SLC22A25: variants seen among roughly 807,000 people sequenced by gnomAD.
SLC22A25 encodes MGI:2442751, MGI:2385316, MGI:3042283, MGI:3645714, MGI:3605624, MGI:2442750.
In SLC22A25, 44 loss-of-function variants were observed where a neutral mutation model predicts 45.9. The ratio of observed to expected loss-of-function variants is 0.96; its 90% confidence interval spans 0.75 to 1.23. The LOEUF is 1.23. Ranked by LOEUF, SLC22A25 falls within the 50% of genes most tolerant of loss-of-function variation. The pLI, the probability that SLC22A25 is intolerant of heterozygous loss-of-function variation, is 0.00. For missense variants in SLC22A25, 800 were observed against 666.4 expected (o/e 1.20, Z -2.21); for synonymous variants, 283 against 238.6 (o/e 1.19, Z -1.72).
intron 7 of SLC22A25, among the ~76,000 whole-genome samples, chr11:63,216,597 A>G (rs772948557): frequency 5.9e-5 from 9 of 152,318 alleles, no homozygotes; most frequent in Non-Finnish European, 1.0e-4. Context: ...GCTGAAGGCC[A>G]TTATACTTAG....
chr11:63,177,856 ATATATATAATATATATAATG>A (rs1377406469), intron 9 of SLC22A25, among the ~76,000 whole-genome samples: 1 of 2,508 alleles, frequency 4.0e-4, no homozygotes, highest in African/African-American at 9.8e-4. Flanking sequence ...TATATAATGT[ATATATATAATATATATAATG>A]TATATATATA....
chr11:63,163,747 A>G lies in SLC22A25; in HGVS notation c.*77T>C. On this transcript the variant is annotated 3_prime_UTR_variant, in exon 12 of 12. Transcript: ENST00000306494. ...TACACCAAAGGCAAAGGCACTGACT[A>G]CATGGGAATAGCCCAGATCTAAGCC... is the stretch of plus-strand genomic sequence containing the variant. 2 of 1,527,840 alleles carry G rather than the reference A, an allele frequency of 1.3e-6. No individual in the cohort carries two copies. The highest frequency in any genetic ancestry group is 1.8e-6 in the Non-Finnish European group (2 of 1,140,122). 94.6% of individuals were successfully genotyped at this position (1,527,840 alleles called of 1,614,324 possible). A position where few individuals can be genotyped will look rare whatever the true frequency, so the allele number is the denominator to read the frequency against.
intron 5 of SLC22A25, among the ~76,000 whole-genome samples, chr11:63,223,277 T>C (rs888179066): frequency 5.9e-5 from 9 of 152,046 alleles, no homozygotes; most frequent in Non-Finnish European, 4.4e-5. Flanking sequence ...CCTGGAGACT[T>C]TTTATTACAG....
At chr11:63,190,515 T>A (rs2088766041) in intron 7 of SLC22A25, among the ~76,000 whole-genome samples, 1 of 151,210 alleles carries the variant, frequency 6.6e-6, no homozygotes, top group African/African-American at 2.4e-5. Flanking sequence ...CTCGGAGTAG[T>A]TTGATCATCT....
intron 7 of SLC22A25, among the ~76,000 whole-genome samples, chr11:63,198,846 T>C (rs1224951681): frequency 6.6e-6 from 1 of 152,156 alleles, no homozygotes; most frequent in African/African-American, 2.4e-5. Context: ...CAAGAAATTC[T>C]TTGAAACTTA....
At chr11:63,192,858 CA>C (rs1207114978) in intron 7 of SLC22A25, among the ~76,000 whole-genome samples, 4 of 152,052 alleles carry the variant, frequency 2.6e-5, no homozygotes, top group Admixed American at 6.6e-5. Flanking sequence ...AGACCTTCAA[CA>C]AGAAAGATTC....
chr11:63,170,703 A>C (rs2087847870), intron 9 of SLC22A25, among the ~76,000 whole-genome samples: 1 of 152,190 alleles, frequency 6.6e-6, no homozygotes, highest in Non-Finnish European at 1.5e-5. Flanking sequence ...GCCCAGGACC[A>C]GATGGATTCA....
chr11:63,170,716 C>A (rs972331473), intron 9 of SLC22A25, among the ~76,000 whole-genome samples: 2 of 152,030 alleles, frequency 1.3e-5, no homozygotes, highest in African/African-American at 4.8e-5. Context: ...TGGATTCACA[C>A]CTGAATTCTC....
Position 63,177,481 on chromosome 11 carries a change from T to G in SLC22A25, c.1070+3179A>C, listed in dbSNP as rs78270121. Among the ~76,000 whole-genome samples the G allele has an allele frequency of 3.7e-3, 569 of 152,036 alleles. 5 individuals are homozygous for G. Among genetic ancestry groups the G allele is most frequent in the African/African-American group, 0.013 (537 of 41,494 alleles). The stretch of plus-strand genomic sequence containing the variant: ...CCTATAGTCAACTATAACTATTGTT[T>G]TACTGAAAACTAGATCTTATTTTTT... On this transcript the variant is annotated intron_variant, in intron 9 of 11. Transcript: ENST00000306494.
intron 1 of SLC22A25, among the ~76,000 whole-genome samples, chr11:63,241,406 C>A (rs2090246076): frequency 6.6e-6 from 1 of 152,090 alleles, no homozygotes; most frequent in South Asian, 2.1e-4. Context: ...CCACGGTGTT[C>A]CATGTAATAG....
chr11:63,190,627 T>A (rs1196439759), intron 7 of SLC22A25, among the ~76,000 whole-genome samples: 4 of 151,984 alleles, frequency 2.6e-5, no homozygotes, highest in Admixed American at 2.6e-4. Flanking sequence ...GCACTCTGAT[T>A]TTTAGAGTTT....
intron 11 of SLC22A25, among the ~76,000 whole-genome samples, 177 bp from the exon 12 acceptor site, chr11:63,164,250 T>TGTCTA (rs2087602734): frequency 6.6e-6 from 1 of 152,232 alleles, no homozygotes; most frequent in Admixed American, 6.5e-5. Context: ...ACAAGTGAAT[T>TGTCTA]AGACACATTT....
chr11:63,181,245 G>A (rs1033504947), intron 8 of SLC22A25, among the ~76,000 whole-genome samples: 2 of 152,012 alleles, frequency 1.3e-5, no homozygotes, highest in African/African-American at 4.8e-5. Flanking sequence ...GGAGGTTTGG[G>A]AGTGGGGTAC....
At chr11:63,211,871 T>C (rs939915316) in intron 7 of SLC22A25, among the ~76,000 whole-genome samples, 21 of 151,830 alleles carry the variant, frequency 1.4e-4, no homozygotes, top group Non-Finnish European at 2.5e-4. Flanking sequence ...ACCATCAGAG[T>C]GAACAGGCAA....
intron 5 of SLC22A25, among the ~76,000 whole-genome samples, chr11:63,222,403 C>T (rs180821375): frequency 1.4e-3 from 209 of 152,008 alleles, no homozygotes; most frequent in Middle Eastern, 0.01. Flanking sequence ...GGGTTACTTT[C>T]TTGATTTGTT....
Position 63,159,068 on chromosome 11 carries a change from G to A in SLC22A25, c.*4756C>T, listed in dbSNP as rs1400487988. ...AATGATCTCCAGTTCCATCCATGTT[G>A]CTGCAAATGACAGGATCTCATTCTT... is the stretch of plus-strand genomic sequence containing the variant. On this transcript the variant is annotated 3_prime_UTR_variant, in exon 12 of 12. Transcript: ENST00000306494. Among the ~76,000 whole-genome samples the A allele has an allele frequency of 7.9e-5, 12 of 152,086 alleles. No homozygotes were observed. Among genetic ancestry groups the A allele is most frequent in the Admixed American group, 7.9e-4 (12 of 15,264 alleles).
At chr11:63,239,417 C>T (rs1236304011) in intron 1 of SLC22A25, among the ~76,000 whole-genome samples, 1 of 152,108 alleles carries the variant, frequency 6.6e-6, no homozygotes, top group Non-Finnish European at 1.5e-5. Context: ...TCAGCAGCAC[C>T]TCACAAAAGC....
rs191200422 is a variant in SLC22A25, at chr11:63,168,616, G to A, written c.1071-2358C>T. Among the ~76,000 whole-genome samples, 254 of 152,194 alleles carry A rather than the reference G, an allele frequency of 1.7e-3. 2 individuals carry two copies. The Middle Eastern group carries it at 0.017, about 10-fold the overall frequency. On this transcript the variant is annotated intron_variant, in intron 9 of 11. Coordinates refer to ENST00000306494, the MANE Select transcript of SLC22A25 (RefSeq NM_199352.6). The stretch of plus-strand genomic sequence containing the variant: ...AATAAAGTGTGAAGGAAAGACTAGA[G>A]AAAAAAGAATAAAAGGAACAAACCA...
rs1341271344 is a variant in SLC22A25 at position 63,162,614 on chromosome 11, T to A, written c.*1210A>T. Among the ~76,000 whole-genome samples the A allele has an allele frequency of 6.6e-6, 1 of 152,192 alleles. No homozygotes were observed. The highest frequency in any genetic ancestry group is 1.9e-4 in the East Asian group (1 of 5,202). On this transcript the variant is annotated 3_prime_UTR_variant, in exon 12 of 12. Transcript: ENST00000306494. ...ACTCTATTAAATAATTAAGGAAGAA[T>A]CATTGTTTTAAATATTATTCCATCT...
Sources: gnomAD v4.1 joint callset for allele counts (sites outside exome capture counted in the v4.1 genomes callset) on GRCh38, gnomAD v4.1.1 for gene constraint, MANE v1.5 for transcripts, NCBI Gene and HGNC (gene_info 2026-07-23, HGNC 2026-07-21) for gene names.